The following PRKN variants were observed in gnomAD, a reference collection of about 807,000 sequenced individuals.
PRKN encodes the protein E3 ubiquitin-protein ligase parkin.
PRKN carries 56 observed loss-of-function variants against 59.5 expected under a neutral mutation model. The observed-to-expected ratio is 0.94, with a 90% CI of 0.76 to 1.18. The LOEUF (loss-of-function observed/expected upper bound fraction) is 1.18, where lower values mean the gene tolerates loss of function less well. Ranked by LOEUF, PRKN falls within the 50% of genes most tolerant of loss-of-function variation. PRKN has a pLI of 0.00. For synonymous variants in PRKN, 250 were observed against 222.1 expected (o/e 1.13, Z -1.12); for missense variants, 657 against 596.4 (o/e 1.10, Z -1.06).
chr6:161,715,175 G>A (rs1249324341), intron 7 of PRKN, among the ~76,000 whole-genome samples: 4 of 152,196 alleles, frequency 2.6e-5, no homozygotes, highest in Non-Finnish European at 4.4e-5. Flanking sequence ...TCCTGGAGGC[G>A]GAGTAGCTCT....
At chr6:161,680,032 G>T (rs547679893) in intron 7 of PRKN, among the ~76,000 whole-genome samples, 1 of 152,162 alleles carries the variant, frequency 6.6e-6, no homozygotes, top group South Asian at 2.1e-4. Context: ...GGGATTACAG[G>T]CATGAGCCAC....
Position 162,660,048 on chromosome 6 carries a change from AT to A in PRKN, c.7+67613del, listed in dbSNP as rs1298925680. Among the ~76,000 whole-genome samples the A allele has an allele frequency of 3.5e-4, 54 of 152,332 alleles. 1 individual carries two copies. Among genetic ancestry groups the A allele is most frequent in the Admixed American group, 3.5e-3 (53 of 15,300 alleles). ...TCCTCCTATCCTAGCCATTTCATCC[AT>A]TATTTTCCTGTTCTCACTACTAGAA... On this transcript the variant is annotated intron_variant, in intron 1 of 11. Coordinates refer to ENST00000366898, the MANE Select transcript of PRKN (RefSeq NM_004562.3).
intron 7 of PRKN, among the ~76,000 whole-genome samples, chr6:161,591,988 T>C (rs1781742478): frequency 6.6e-6 from 1 of 152,146 alleles, no homozygotes; most frequent in African/African-American, 2.4e-5. Context: ...TGACAATTGC[T>C]CAAGTCTCTG....
chr6:162,564,788 T>C (rs1779991149), intron 1 of PRKN, among the ~76,000 whole-genome samples: 1 of 151,656 alleles, frequency 6.6e-6, no homozygotes, highest in African/African-American at 2.4e-5. Context: ...AAATAAAGAC[T>C]TTCCCAGACA....
intron 2 of PRKN, among the ~76,000 whole-genome samples, chr6:162,384,452 G>C (rs1260657793): frequency 6.6e-6 from 1 of 152,046 alleles, no homozygotes; most frequent in African/African-American, 2.4e-5. Flanking sequence ...CACCTTGTAA[G>C]GGAGCAGTTC....
intron 7 of PRKN, among the ~76,000 whole-genome samples, chr6:161,755,933 G>C (rs2128196370): frequency 6.6e-6 from 1 of 152,050 alleles, no homozygotes; most frequent in South Asian, 2.1e-4. Flanking sequence ...ATAGGTGTTG[G>C]AAAAAACGCC....
At chr6:162,654,845 T>TG (rs10716995) in intron 1 of PRKN, among the ~76,000 whole-genome samples, 37 of 151,812 alleles carry the variant, frequency 2.4e-4, no homozygotes, top group South Asian at 1.9e-3. Context: ...CAGAGTGAAG[T>TG]GGGGGGGGAA....
rs182763930 is a variant in PRKN, at chr6:161,768,048, T to G, written c.871+17724A>C. Among the ~76,000 whole-genome samples, 224 of 151,242 alleles carry G rather than the reference T, an allele frequency of 1.5e-3. 1 individual carries two copies. The highest frequency in any genetic ancestry group is 5.1e-3 in the African/African-American group (209 of 41,274). On this transcript the variant is annotated intron_variant, in intron 7 of 11. Coordinates refer to ENST00000366898, the MANE Select transcript of PRKN (RefSeq NM_004562.3). ...AAAATGAATGGATGACTTCATTTTT[T>G]CTACTTTGTTCAAATCTAGTCTAAT...
intron 1 of PRKN, among the ~76,000 whole-genome samples, chr6:162,668,164 A>G (rs754998684): frequency 1.3e-5 from 2 of 152,258 alleles, no homozygotes; most frequent in Non-Finnish European, 2.9e-5. Flanking sequence ...ATATATCCTC[A>G]GTAAACTCAT....
chr6:161,660,367 A>G (rs1025651320), intron 7 of PRKN, among the ~76,000 whole-genome samples: 18 of 152,210 alleles, frequency 1.2e-4, no homozygotes, highest in African/African-American at 4.3e-4. Flanking sequence ...AGTTAGTACT[A>G]ATAAGGGCCA....
At chr6:162,642,300 T>A (rs1777994477) in intron 1 of PRKN, among the ~76,000 whole-genome samples, 1 of 152,178 alleles carries the variant, frequency 6.6e-6, no homozygotes, top group Admixed American at 6.5e-5. Flanking sequence ...CGTTTAATGA[T>A]ATGATCCATA....
intron 1 of PRKN, among the ~76,000 whole-genome samples, chr6:162,464,900 CT>C (rs975147148): frequency 6.7e-5 from 10 of 150,296 alleles, no homozygotes; most frequent in Non-Finnish European, 1.3e-4. Flanking sequence ...AGAGCCCCCC[CT>C]CCTCCTTCTT....
At chr6:162,461,304 C>T (rs1562782103) in intron 1 of PRKN, among the ~76,000 whole-genome samples, 1 of 150,662 alleles carries the variant, frequency 6.6e-6, no homozygotes, top group Admixed American at 6.6e-5. Context: ...GAGTTGGAGA[C>T]CAGTCTGGCC....
intron 4 of PRKN, among the ~76,000 whole-genome samples, chr6:162,155,337 A>C (rs895460125): frequency 1.3e-5 from 2 of 152,184 alleles, no homozygotes; most frequent in Admixed American, 6.5e-5. Context: ...ATAATCAAGT[A>C]AGTCAAGGGC....
intron 1 of PRKN, among the ~76,000 whole-genome samples, chr6:162,610,839 T>C (rs1322402498): frequency 6.6e-6 from 1 of 152,158 alleles, no homozygotes; most frequent in African/African-American, 2.4e-5. Context: ...TTATGATAAA[T>C]TTTGACTAAG....
chr6:161,516,467 T>TC (rs1778593787), intron 9 of PRKN, among the ~76,000 whole-genome samples: 1 of 23,146 alleles, frequency 4.3e-5, no homozygotes, highest in African/African-American at 1.7e-4. Context: ...AGGCTCCTTC[T>TC]AAAAAAAAAA....
At chr6:162,636,547 T>C (rs1375933855) in intron 1 of PRKN, among the ~76,000 whole-genome samples, 6 of 152,240 alleles carry the variant, frequency 3.9e-5, no homozygotes, top group Non-Finnish European at 8.8e-5. Flanking sequence ...GGCAAATCTA[T>C]GTTCCTGCTC....
At chr6:162,543,324 C>T (rs545805894) in intron 1 of PRKN, among the ~76,000 whole-genome samples, 3 of 152,066 alleles carry the variant, frequency 2.0e-5, no homozygotes, top group Non-Finnish European at 4.4e-5. Context: ...AATCTTAGCG[C>T]CTTGGCCCAG....
At chr6:161,807,794 G>A (rs535206094) in intron 6 of PRKN, among the ~76,000 whole-genome samples, 8 of 152,230 alleles carry the variant, frequency 5.3e-5, no homozygotes, top group African/African-American at 1.4e-4. Context: ...CCCTACTCCA[G>A]TAAAACCTCA....
Sources: gnomAD v4.1 joint callset for allele counts (sites outside exome capture counted in the v4.1 genomes callset) on GRCh38, gnomAD v4.1.1 for gene constraint, MANE v1.5 for transcripts, NCBI Gene and HGNC (gene_info 2026-07-23, HGNC 2026-07-21) for gene names.